DSG4: variants seen among roughly 807,000 people sequenced by gnomAD.
DSG4 encodes desmoglein-4.
A neutral mutation model predicts 93.1 loss-of-function variants in DSG4; 87 were observed. The ratio of observed to expected loss-of-function variants is 0.93; its 90% confidence interval spans 0.79 to 1.12. The LOEUF (loss-of-function observed/expected upper bound fraction) is 1.12, where lower values mean the gene tolerates loss of function less well. Among genes scored for constraint, DSG4 ranks in the 50% most tolerant of loss-of-function variants. The pLI, the probability that DSG4 is intolerant of heterozygous loss-of-function variation, is 0.00. For missense variants in DSG4, 1,373 were observed against 1,285.7 expected, an observed-to-expected ratio of 1.07 and a Z score of -1.04; for synonymous variants, 432 against 452.9, an observed-to-expected ratio of 0.95 and a Z score of 0.59.
Position 31,399,414 on chromosome 18 carries a change from C to G in DSG4, c.1148C>G (p.Pro383Arg). 7.4e-6 allele frequency: 12 copies of G among 1,614,084 alleles called. No homozygotes were observed. The highest frequency in any genetic ancestry group is 1.0e-5 in the Non-Finnish European group (12 of 1,179,962). Residue 383 changes from proline to arginine, a missense_variant, in exon 9 of 16, where the codon CCT becomes CGT. Physicochemically the swap from Pro to Arg is moderately radical, Grantham distance 103. Transcript: ENST00000308128. ...RIQVVDVREG[P>R]AFHPSTMAFS... The stretch of plus-strand genomic sequence containing the variant: ...CAAGTTGTTGATGTGAGAGAAGGAC[C>G]TGCATTTCATCCAAGTACTATGGCT...
rs558121872 is a variant in DSG4, at chr18:31,410,165, A to G, written c.2137+357A>G. On this transcript the variant is annotated intron_variant, in intron 14 of 15. Coordinates refer to ENST00000308128, the MANE Select transcript of DSG4 (RefSeq NM_177986.5). ...ATGATGATCAAAAAGTTTCAGACTT[A>G]GGAGCATTTTGGATTCTTGATTATT... 1.2e-4 allele frequency among the ~76,000 whole-genome samples: 19 copies of G among 152,286 alleles called. No homozygotes were observed. The South Asian group carries it at 3.7e-3, about 30-fold the overall frequency.
chr18:31,384,503 T>A (rs1448335924), intron 1 of DSG4, among the ~76,000 whole-genome samples: 1 of 152,152 alleles, frequency 6.6e-6, no homozygotes, highest in Non-Finnish European at 1.5e-5. Flanking sequence ...GATGAACCTA[T>A]GGAAGGGATA....
rs768827569 is a variant in DSG4, at chr18:31,388,390, C to A, written c.240C>A (p.Asn80Lys). 3.7e-6 allele frequency: 6 copies of A among 1,613,314 alleles called. No homozygotes were observed. In the East Asian group the frequency reaches 1.3e-4, roughly 36 times the overall value. ...IAKIRSDCESNQKITYRISGV... is the reference protein window; with the variant it reads ...IAKIRSDCESKQKITYRISGV... ...AGATTCGATCAGACTGCGAATCGAA[C>A]CAGAAGATAACATACCGGATTTCTG... The change falls in exon 4 of 16, where the codon AAC (asparagine) becomes AAA (lysine). Residue 80 changes from asparagine to lysine, a missense_variant. Coordinates refer to ENST00000308128, the MANE Select transcript of DSG4 (RefSeq NM_177986.5).
rs1227076013 is a variant in DSG4, at chr18:31,399,484, T to C, written c.1218T>C (p.Tyr406=). The C allele has an allele frequency of 9.3e-6, 15 of 1,614,008 alleles. No homozygotes were observed. The highest frequency in any genetic ancestry group is 1.2e-5 in the Non-Finnish European group (14 of 1,179,968). The change falls in exon 9 of 16, where the codon TAT becomes TAC. Residue 406 remains tyrosine, a synonymous_variant. Transcript: ENST00000308128. ...TAAAAGGAAGTTCCTTATTGAATTA[T>C]GTGCTTGGCACATATACAGCCATAG... ...EGIKGSSLLN[Y]VLGTYTAIDL...
Position 31,413,357 on chromosome 18 carries a change from T to A in DSG4, c.2885T>A (p.Val962Glu). 1.2e-6 allele frequency: 2 copies of A among 1,614,174 alleles called. No homozygotes were observed. Among genetic ancestry groups the A allele is most frequent in the Non-Finnish European group, 1.7e-6 (2 of 1,180,040 alleles). Reference sequence around the variant, plus strand: ...GCTGAGTTAGCAGATTACAACAATGTAATCTATGCTGAGAGAGTACTGGCT... The same window carrying A: ...GCTGAGTTAGCAGATTACAACAATGAAATCTATGCTGAGAGAGTACTGGCT... ...VPAELADYNN[V>E]IYAERVLASP... The change falls in exon 16 of 16, where the codon GTA (valine) becomes GAA (glutamate). Residue 962 changes from valine (V) to glutamate (E), a missense_variant. Coordinates refer to ENST00000308128, the MANE Select transcript of DSG4 (RefSeq NM_177986.5).
rs768184020 is a variant in DSG4, at chr18:31,399,313, C to A, written c.1047C>A (p.Ile349=). 6.8e-6 allele frequency: 11 copies of A among 1,613,966 alleles called. No individual in the cohort carries two copies. The highest frequency in any genetic ancestry group is 5.5e-5 in the South Asian group (5 of 91,076). ...AAGCACCTAACATTCAGCTTAGTAT[C>A]GGAGTTAAAAACCAAGCTGATTTTC... ...YEQAPNIQLS[I]GVKNQADFHY... The change falls in exon 9 of 16, where the codon ATC becomes ATA. Residue 349 remains isoleucine (I), a synonymous_variant. Coordinates refer to ENST00000308128, the MANE Select transcript of DSG4 (RefSeq NM_177986.5).
At position 31,390,740 on chromosome 18, in the gene DSG4, A is replaced by T. The variant is rs1205427213; in HGVS notation, c.602A>T (p.Gln201Leu). 5 of 1,613,892 alleles carry T rather than the reference A, an allele frequency of 3.1e-6. No homozygotes were observed. The South Asian group carries it at 3.3e-5, about 11-fold the overall frequency. ...NSKIAYKIVSQEPSGAPMFIL... is the reference protein window; with the variant it reads ...NSKIAYKIVSLEPSGAPMFIL... ...AAAATTGCCTACAAGATCGTCTCTC[A>T]GGAGCCATCAGGTGCACCCATGTTC... The change falls in exon 6 of 16, where the codon CAG becomes CTG. Residue 201 changes from glutamine (Q) to leucine (L), a missense_variant. Physicochemically the swap from Gln to Leu is moderately radical, Grantham distance 113. Transcript: ENST00000308128.
In DSG4 at chr18:31,406,404, T is replaced by C. The variant is rs776747171; in HGVS notation, c.1933+31T>C. 1.5e-5 allele frequency: 24 copies of C among 1,613,344 alleles called. No individual in the cohort carries two copies. In the East Asian group the frequency reaches 2.0e-4, roughly 13 times the overall value. The stretch of plus-strand genomic sequence containing the variant: ...TACTCAATTAAATCCTTCTTTTCAA[T>C]AGTTCTTCAAAATAGGGCTGTTACG... On this transcript the variant is annotated intron_variant, in intron 12 of 15. Coordinates refer to ENST00000308128, the MANE Select transcript of DSG4 (RefSeq NM_177986.5).
intron 3 of DSG4, 86 bp downstream of exon 3, chr18:31,386,905 T>C: frequency 1.3e-6 from 2 of 1,584,678 alleles, no homozygotes; most frequent in East Asian, 4.6e-5. Flanking sequence ...GCTTCACTGC[T>C]CCACAGTTAT....
rs1421149928 is a variant in DSG4 at position 31,376,906 on chromosome 18, A to G, written c.-6A>G. 3 of 1,613,558 alleles carry G rather than the reference A, an allele frequency of 1.9e-6. No individual in the cohort carries two copies. In the South Asian group the frequency reaches 3.3e-5, roughly 18 times the overall value. ...CAGGATTTGCGTGCAAGAGAAACCC[A>G]AAGGAATGGATTGGCTCTTCTTCAG... On this transcript the variant is annotated 5_prime_UTR_variant, in exon 1 of 16. Transcript: ENST00000308128.
chr18:31,410,287 T>C (rs960593384), intron 14 of DSG4, among the ~76,000 whole-genome samples: 1 of 151,922 alleles, frequency 6.6e-6, no homozygotes, highest in Non-Finnish European at 1.5e-5. Context: ...GAGCTTATGA[T>C]AGTACCTACT....
intron 8 of DSG4, among the ~76,000 whole-genome samples, chr18:31,397,843 AG>A (rs937642030): frequency 7.2e-5 from 11 of 151,974 alleles, no homozygotes; most frequent in Non-Finnish European, 1.5e-4. Context: ...CCTGGCCAAC[AG>A]GCAAAACCCC....
chr18:31,393,430 C>T (rs886318377), intron 8 of DSG4, among the ~76,000 whole-genome samples: 6 of 152,102 alleles, frequency 3.9e-5, no homozygotes, highest in Non-Finnish European at 7.3e-5. Flanking sequence ...CCAGTGAGGG[C>T]CTCAGGAATC....
At chr18:31,377,552 A>T (rs1310710313) in intron 1 of DSG4, among the ~76,000 whole-genome samples, 1 of 152,218 alleles carries the variant, frequency 6.6e-6, no homozygotes, top group Non-Finnish European at 1.5e-5. Context: ...CAGCAAAGAA[A>T]TATTTAAATG....
intron 11 of DSG4, among the ~76,000 whole-genome samples, chr18:31,403,968 A>G (rs2144205080): frequency 6.6e-6 from 1 of 152,338 alleles, no homozygotes; most frequent in East Asian, 1.9e-4. Flanking sequence ...ATAAATTAAG[A>G]ATGTCACAAT....
chr18:31,401,103 T>G, intron 10 of DSG4, 83 bp downstream of exon 10: 1 of 1,225,534 alleles, frequency 8.2e-7, no homozygotes, highest in Non-Finnish European at 1.1e-6. Context: ...GATATTTGAG[T>G]GACTCAGACA....
chr18:31,410,469 GT>G (rs1275523042), intron 14 of DSG4, among the ~76,000 whole-genome samples: 3 of 148,764 alleles, frequency 2.0e-5, no homozygotes, highest in African/African-American at 7.7e-5. Context: ...CAAAATATAC[GT>G]TAGAGTAGTG....
Position 31,392,289 on chromosome 18 carries a change from C to T in DSG4, c.954C>T (p.Phe318=), listed in dbSNP as rs764648086. The change falls in exon 8 of 16, where the codon TTC becomes TTT. Residue 318 remains phenylalanine, a synonymous_variant. Coordinates refer to ENST00000308128, the MANE Select transcript of DSG4 (RefSeq NM_177986.5). ...LILSGNDGNW[F]DIQTDPQTNE... is the part of the protein sequence containing the mutation. ...TCTCTGGAAATGATGGGAATTGGTTCGATATTCAAACAGATCCACAAACCA... is the reference window on the plus strand; with the variant it reads ...TCTCTGGAAATGATGGGAATTGGTTTGATATTCAAACAGATCCACAAACCA... 3.7e-6 allele frequency: 6 copies of T among 1,613,584 alleles called. No individual in the cohort carries two copies. Among genetic ancestry groups the T allele is most frequent in the South Asian group, 3.3e-5 (3 of 91,048 alleles).
Position 31,390,732 on chromosome 18 carries a change from C to A in DSG4, c.594C>A (p.Ile198=). The A allele has an allele frequency of 6.2e-7, 1 of 1,613,744 alleles. No homozygotes were observed. The highest frequency in any genetic ancestry group is 8.5e-7 in the Non-Finnish European group (1 of 1,179,784). Residue 198 remains isoleucine, a synonymous_variant, in exon 6 of 16, where the codon ATC becomes ATA. Transcript: ENST00000308128. ...NHLNSKIAYK[I]VSQEPSGAPM... ...TGAATTCTAAAATTGCCTACAAGAT[C>A]GTCTCTCAGGAGCCATCAGGTGCAC...
Sources: allele counts gnomAD v4.1 joint callset (sites outside exome capture counted in the v4.1 genomes callset), GRCh38; gene constraint gnomAD v4.1.1; transcripts MANE v1.5; gene names NCBI Gene and HGNC (gene_info 2026-07-23, HGNC 2026-07-21).